ZNF69: variants seen among roughly 807,000 people sequenced by gnomAD.
ZNF69 encodes ZNF3.
ZNF69 carries 47 observed loss-of-function variants against 50.9 expected under a neutral mutation model. The observed-to-expected ratio is 0.92, with a 90% CI of 0.73 to 1.18. ZNF69 has a LOEUF of 1.18. ZNF69 is among the 50% of genes most tolerant of loss of function. The pLI is 0.00. For synonymous variants in ZNF69, 216 were observed against 223.1 expected, an observed-to-expected ratio of 0.97 and a Z score of 0.29; for missense variants, 717 against 675.1, an observed-to-expected ratio of 1.06 and a Z score of -0.69.
the ZNF69 span, among the ~76,000 whole-genome samples, chr19:11,934,982 C>A: frequency 6.8e-6 from 1 of 146,500 alleles, no homozygotes; most frequent in Admixed American, 6.7e-5. Flanking sequence ...TCAAGACCAT[C>A]CTGGCTAACA....
chr19:11,918,918 C>T (rs190657961), downstream of ZNF69, among the ~76,000 whole-genome samples: 59 of 145,126 alleles, frequency 4.1e-4, no homozygotes, highest in Middle Eastern at 3.7e-3. Flanking sequence ...TTTTTTGAGA[C>T]GGAGTCTCGC....
rs563211700 is a variant in ZNF69 at position 11,891,559 on chromosome 19, G to C, written c.63+3573G>C. Among the ~76,000 whole-genome samples, 12 of 152,248 alleles carry C rather than the reference G, an allele frequency of 7.9e-5. 1 individual carries two copies. In the South Asian group the frequency reaches 2.5e-3, roughly 32 times the overall value. Reference sequence around the variant, plus strand: ...TAGGTAGGGATCTTGTCTATGTAAAGACTAAACTAAGCTGTGCCTACCTGC... The same window carrying C: ...TAGGTAGGGATCTTGTCTATGTAAACACTAAACTAAGCTGTGCCTACCTGC... On this transcript the variant is annotated intron_variant, in intron 1 of 3. Coordinates refer to ENST00000429654, the MANE Select transcript of ZNF69 (RefSeq NM_001364730.1).
the ZNF69 span, chr19:11,978,209 G>A: frequency 6.2e-7 from 1 of 1,613,632 alleles, no homozygotes; most frequent in African/African-American, 1.3e-5. Flanking sequence ...TGAACTTCCA[G>A]GAGAAGAAAG....
chr19:11,910,481 C>T (rs1256601809), downstream of ZNF69, among the ~76,000 whole-genome samples: 15 of 152,096 alleles, frequency 9.9e-5, no homozygotes, highest in Admixed American at 9.2e-4. Flanking sequence ...AGATATAGAC[C>T]AATGGAACAG....
the ZNF69 span, chr19:11,965,001 C>T: frequency 5.3e-6 from 3 of 570,580 alleles, no homozygotes; most frequent in Non-Finnish European, 9.4e-6. Context: ...GGGCAGGGCC[C>T]TGCCCATTGT....
chr19:11,895,677 T>C (rs1477471806), intron 1 of ZNF69, among the ~76,000 whole-genome samples: 2 of 152,190 alleles, frequency 1.3e-5, no homozygotes, highest in African/African-American at 4.8e-5. Flanking sequence ...TAAGTTTGAA[T>C]AAAGTTTTTT....
downstream of ZNF69, among the ~76,000 whole-genome samples, chr19:11,916,823 A>G (rs1409130875): frequency 6.6e-6 from 1 of 151,952 alleles, no homozygotes; most frequent in African/African-American, 2.4e-5. Context: ...AGCTTGTTTC[A>G]TTGTAGTAAG....
At chr19:11,970,768 C>T in the ZNF69 span, among the ~76,000 whole-genome samples, 6 of 152,078 alleles carry the variant, frequency 3.9e-5, no homozygotes, top group African/African-American at 1.4e-4. Context: ...CCCATCTGTA[C>T]TGAAAATACA....
chr19:11,948,418 G>A, the ZNF69 span: 1 of 1,614,156 alleles, frequency 6.2e-7, no homozygotes, highest in Non-Finnish European at 8.5e-7. Context: ...CTTTGTGTGT[G>A]CAGAAGTTGG....
At chr19:11,979,358 G>A in the ZNF69 span, 2 of 1,610,370 alleles carry the variant, frequency 1.2e-6, no homozygotes, top group Non-Finnish European at 8.5e-7. Flanking sequence ...GAAACCCTAT[G>A]AGTGTAAGGA....
the ZNF69 span, among the ~76,000 whole-genome samples, chr19:11,932,798 C>T: frequency 5.4e-5 from 8 of 147,214 alleles, no homozygotes; most frequent in East Asian, 5.8e-4. Context: ...CCACCCCGTC[C>T]GGCTAATTTT....
chr19:11,918,268 C>T (rs1332422971), downstream of ZNF69, among the ~76,000 whole-genome samples: 3 of 152,156 alleles, frequency 2.0e-5, no homozygotes, highest in East Asian at 5.8e-4. Flanking sequence ...CTTTCATGCA[C>T]GTGCCTTTAT....
intron 1 of ZNF69, among the ~76,000 whole-genome samples, chr19:11,903,125 A>C (rs1972281374): frequency 6.6e-6 from 1 of 151,848 alleles, no homozygotes; most frequent in Non-Finnish European, 1.5e-5. Context: ...TAACAGAACG[A>C]GACGCTGTCT....
At chr19:11,978,810 T>A in the ZNF69 span, 2 of 1,614,106 alleles carry the variant, frequency 1.2e-6, no homozygotes, top group African/African-American at 2.7e-5. Flanking sequence ...CTTCAGTTGG[T>A]GTCATTCCTT....
At chr19:11,949,264 G>A in the ZNF69 span, 1 of 1,614,144 alleles carries the variant, frequency 6.2e-7, no homozygotes, top group Non-Finnish European at 8.5e-7. Flanking sequence ...GATTCACACT[G>A]GAGAGAAACC....
chr19:11,904,501 G>T (rs1479298872), intron 3 of ZNF69, 148 bp from the exon 4 acceptor site: 14 of 1,160,660 alleles, frequency 1.2e-5, no homozygotes, highest in African/African-American at 1.6e-5. Flanking sequence ...TTGTACAATG[G>T]GTTGTCCAGT....
the ZNF69 span, chr19:11,977,235 G>C: frequency 6.2e-6 from 10 of 1,607,408 alleles, no homozygotes; most frequent in Non-Finnish European, 7.6e-6. Flanking sequence ...ATGCTGTTGA[G>C]TCATTTGGAA....
the ZNF69 span, among the ~76,000 whole-genome samples, chr19:11,975,629 G>A: frequency 1.0e-4 from 15 of 149,660 alleles, no homozygotes; most frequent in Admixed American, 2.7e-4. Context: ...TGATCCGCCC[G>A]CCTCGGCCTA....
At chr19:11,942,753 A>G in the ZNF69 span, among the ~76,000 whole-genome samples, 3 of 152,186 alleles carry the variant, frequency 2.0e-5, no homozygotes, top group African/African-American at 7.2e-5. Context: ...TAGATAATAC[A>G]AGTGGTTAGG....
Sources: gnomAD v4.1 joint callset for allele counts (sites outside exome capture counted in the v4.1 genomes callset) on GRCh38, gnomAD v4.1.1 for gene constraint, MANE v1.5 for transcripts, NCBI Gene and HGNC (gene_info 2026-07-23, HGNC 2026-07-21) for gene names.